Variants in ITIH5 observed in about 807,000 individuals in gnomAD.
ITIH5 encodes inter-alpha-trypsin inhibitor heavy chain H5.
A neutral mutation model predicts 77.5 loss-of-function variants in ITIH5; 65 were observed. The observed-to-expected ratio is 0.84, with a 90% CI of 0.69 to 1.03. The LOEUF is 1.03. Ranked by LOEUF, ITIH5 falls within the 50% of genes least tolerant of loss-of-function variation. The pLI, the probability that ITIH5 is intolerant of heterozygous loss-of-function variation, is 0.00. For missense variants in ITIH5, 1,208 were observed against 1,213.1 expected (o/e 1.00, Z 0.06); for synonymous variants, 525 against 494.3 (o/e 1.06, Z -0.82).
At position 7,655,676 on chromosome 10, in the gene ITIH5, C is replaced by A. The variant is rs1235910847; in HGVS notation, c.91-1G>T. 2 of 1,610,510 alleles carry A rather than the reference C, an allele frequency of 1.2e-6. No individual in the cohort carries two copies. The highest frequency in any genetic ancestry group is 2.2e-5 in the South Asian group (2 of 90,994). On this transcript the variant is annotated splice_acceptor_variant, in intron 1 of 13. Transcript: ENST00000397146. LOFTEE classifies it high-confidence loss of function. Reference sequence around the variant, plus strand: ...CTTGCCTCGGGACCCTGAGTCCATCCTAGAAAAGAGAAGAGACTGTTAAAA... The same window carrying A: ...CTTGCCTCGGGACCCTGAGTCCATCATAGAAAAGAGAAGAGACTGTTAAAA...
At position 7,619,799 on chromosome 10, in the gene ITIH5, G is replaced by A. The variant is rs529102331; in HGVS notation, c.653-2517C>T. On this transcript the variant is annotated intron_variant, in intron 5 of 13. Transcript: ENST00000397146. ...TCACCTCCCACCAGGCCACTCCTCC[G>A]ACACATGGGGATTACAATTCGAAAT... 4.4e-4 allele frequency: 71 copies of A among 160,846 alleles called. 3 individuals carry two copies. The Middle Eastern group carries it at 0.031, about 70-fold the overall frequency. The allele number at this position is 160,846 out of a possible 1,614,324, so 10.0% of individuals were successfully genotyped here.
intron 2 of ITIH5, among the ~76,000 whole-genome samples, chr10:7,650,816 C>T (rs1834086949): frequency 6.6e-6 from 1 of 151,904 alleles, no homozygotes; most frequent in Non-Finnish European, 1.5e-5. Context: ...CTAGATTTAC[C>T]ACCTCGGGGA....
intron 5 of ITIH5, among the ~76,000 whole-genome samples, chr10:7,636,990 G>T (rs1465734730): frequency 6.6e-6 from 1 of 152,186 alleles, no homozygotes; most frequent in African/African-American, 2.4e-5. Flanking sequence ...GGCGGAGGTT[G>T]CAGTGAGCGG....
chr10:7,585,606 A>G (rs900777089), intron 8 of ITIH5, among the ~76,000 whole-genome samples: 2 of 152,180 alleles, frequency 1.3e-5, no homozygotes, highest in African/African-American at 4.8e-5. Flanking sequence ...TTGTTTTTGT[A>G]TCAGCAAGAC....
At chr10:7,572,249 A>G (rs1431683864) in intron 11 of ITIH5, 1 of 1,316,074 alleles carries the variant, frequency 7.6e-7, no homozygotes, top group South Asian at 1.2e-5. Flanking sequence ...GCAACAATCA[A>G]GACTTCCAGA....
At chr10:7,616,912 C>T (rs377443669) in intron 6 of ITIH5, among the ~76,000 whole-genome samples, 9 of 152,140 alleles carry the variant, frequency 5.9e-5, no homozygotes, top group Admixed American at 2.0e-4. Flanking sequence ...ATTTCACTTG[C>T]GCTGCAGATT....
At chr10:7,652,139 G>A (rs1834111488) in intron 2 of ITIH5, among the ~76,000 whole-genome samples, 1 of 152,174 alleles carries the variant, frequency 6.6e-6, no homozygotes, top group Non-Finnish European at 1.5e-5. Context: ...GCTTTCCAAA[G>A]AGTAAATATT....
chr10:7,565,974 T>C (rs1021206303), intron 13 of ITIH5, 56 bp downstream of exon 13: 2 of 1,555,264 alleles, frequency 1.3e-6, no homozygotes, highest in African/African-American at 2.7e-5. Context: ...TCAGCTTTGC[T>C]TGGGAAATGT....
At chr10:7,645,730 G>A (rs892441376) in intron 2 of ITIH5, among the ~76,000 whole-genome samples, 1 of 152,036 alleles carries the variant, frequency 6.6e-6, no homozygotes, top group African/African-American at 2.4e-5. Context: ...GTCTCTTCAG[G>A]ACAAAATCTG....
chr10:7,569,628 TG>T, intron 12 of ITIH5, 39 bp downstream of exon 12: 1 of 1,354,526 alleles, frequency 7.4e-7, no homozygotes, highest in Non-Finnish European at 1.0e-6. Context: ...AGTACCTACC[TG>T]GTCCTTGCCC....
At position 7,628,590 on chromosome 10, in the gene ITIH5, ATC is replaced by A. The variant is rs1169544119; in HGVS notation, c.652+8636_652+8637del. On this transcript the variant is annotated intron_variant, in intron 5 of 13. Coordinates refer to ENST00000397146, the MANE Select transcript of ITIH5 (RefSeq NM_030569.7). ...GACATGTGTCCATGCTGTAGCATGT[ATC>A]TGTGTTATCACATGCATCCATGTTA... Among the ~76,000 whole-genome samples the A allele has an allele frequency of 4.3e-5, 5 of 115,352 alleles. 1 individual carries two copies. The highest frequency in any genetic ancestry group is 1.1e-4 in the African/African-American group (4 of 37,914). 75.7% of individuals were successfully genotyped at this position (115,352 alleles called of 152,430 possible). A position where few individuals can be genotyped will look rare whatever the true frequency, so the allele number is the denominator to read the frequency against.
Position 7,571,905 on chromosome 10 carries a change from C to A in ITIH5, c.2032+1237G>T, listed in dbSNP as rs578135319. On this transcript the variant is annotated intron_variant, in intron 11 of 13. Transcript: ENST00000397146. Reference sequence around the variant, plus strand: ...TGTTGTTGGTTCGATCCTTGGGATGCGGGACCCATGGAGATAGAGGACAAC... The same window carrying A: ...TGTTGTTGGTTCGATCCTTGGGATGAGGGACCCATGGAGATAGAGGACAAC... The A allele has an allele frequency of 1.1e-5, 10 of 917,772 alleles. No homozygotes were observed. The African/African-American group carries it at 1.3e-4, about 12-fold the overall frequency. The allele number at this position is 917,772 out of a possible 1,614,324, so 56.9% of individuals were successfully genotyped here.
chr10:7,567,152 C>A (rs1832202530), intron 12 of ITIH5, among the ~76,000 whole-genome samples: 2 of 151,696 alleles, frequency 1.3e-5, no homozygotes, highest in Non-Finnish European at 2.9e-5. Flanking sequence ...AGTTTTGGGT[C>A]AAGATATCGT....
chr10:7,629,188 CAT>C (rs1461530749), intron 5 of ITIH5, among the ~76,000 whole-genome samples: 5 of 114,258 alleles, frequency 4.4e-5, no homozygotes, highest in Non-Finnish European at 8.0e-5. Context: ...TGTGTTTTCA[CAT>C]GTGTCCCTGT....
intron 5 of ITIH5, among the ~76,000 whole-genome samples, chr10:7,624,857 G>GTATATATATGTATATACACTATATATGTA (rs796478896): frequency 8.9e-5 from 5 of 56,126 alleles, no homozygotes; most frequent in African/African-American, 1.8e-4. Context: ...ATATATATGT[G>GTATATATATGTATATACACTATATATGTA]TATATATGTA....
At chr10:7,565,179 G>A in intron 13 of ITIH5, among the ~76,000 whole-genome samples, 1 of 69,894 alleles carries the variant, frequency 1.4e-5, no homozygotes, top group African/African-American at 4.3e-5. Flanking sequence ...ACATACACAG[G>A]CTATATATAT....
In ITIH5 at chr10:7,612,903, C is replaced by T. The variant is rs574445430; in HGVS notation, c.939+3079G>A. The stretch of plus-strand genomic sequence containing the variant: ...TCTTCTGTCAGCATCGATCATGCAG[C>T]CATCAATGTCACAAAACAACTTGGT... On this transcript the variant is annotated intron_variant, in intron 7 of 13. Coordinates refer to ENST00000397146, the MANE Select transcript of ITIH5 (RefSeq NM_030569.7). 2.6e-4 allele frequency among the ~76,000 whole-genome samples: 39 copies of T among 152,112 alleles called. 1 individual carries two copies. Among genetic ancestry groups the T allele is most frequent in the Admixed American group, 5.9e-4 (9 of 15,252 alleles).
intron 4 of ITIH5, among the ~76,000 whole-genome samples, chr10:7,638,584 G>A (rs1443882621): frequency 2.6e-5 from 4 of 152,110 alleles, no homozygotes; most frequent in Admixed American, 2.6e-4. Context: ...TATTAATCAA[G>A]GTCTCAGAAA....
intron 9 of ITIH5, among the ~76,000 whole-genome samples, chr10:7,577,353 TAATCC>T (rs1832446777): frequency 6.6e-6 from 1 of 152,230 alleles, no homozygotes; most frequent in Non-Finnish European, 1.5e-5. Flanking sequence ...CGAATTAGTG[TAATCC>T]ATTTCAACAG....
Sources: allele counts gnomAD v4.1 joint callset (sites outside exome capture counted in the v4.1 genomes callset), GRCh38; gene constraint gnomAD v4.1.1; transcripts MANE v1.5; gene names NCBI Gene and HGNC (gene_info 2026-07-23, HGNC 2026-07-21).